Variants in GABRA2 observed in about 807,000 individuals in gnomAD.
GABRA2 encodes gamma-aminobutyric acid type A receptor subunit alpha2.
GABRA2 carries 16 observed loss-of-function variants against 48.7 expected under a neutral mutation model. That is an observed-to-expected ratio of 0.33 (90% confidence interval 0.22 to 0.50). The LOEUF (loss-of-function observed/expected upper bound fraction) is 0.50, where lower values mean the gene tolerates loss of function less well. GABRA2 is among the 20% of genes least tolerant of loss of function. The pLI is 0.98. For missense variants in GABRA2, 275 were observed against 535.6 expected (o/e 0.51, Z 4.80); for synonymous variants, 185 against 184.5 (o/e 1.00, Z -0.02).
At chr4:46,327,747 A>C (rs1027671221) in intron 4 of GABRA2, among the ~76,000 whole-genome samples, 1 of 152,044 alleles carries the variant, frequency 6.6e-6, no homozygotes, top group Non-Finnish European at 1.5e-5. Flanking sequence ...CAGAGGAAGA[A>C]AAGTATTAAC....
chr4:46,317,410 G>A (rs1163786608), intron 4 of GABRA2, among the ~76,000 whole-genome samples: 9 of 151,618 alleles, frequency 5.9e-5, no homozygotes, highest in Non-Finnish European at 1.5e-5. Context: ...AAAAATAAAT[G>A]AAGCTTTATA....
Position 46,248,868 on chromosome 4 carries a change from T to G in GABRA2, c.*1440A>C, listed in dbSNP as rs1433462996. The G allele has an allele frequency of 6.6e-6, 1 of 151,478 alleles. No homozygotes were observed. The highest frequency in any genetic ancestry group is 1.5e-5 in the Non-Finnish European group (1 of 67,668). 9.4% of individuals were successfully genotyped at this position (151,478 alleles called of 1,614,324 possible). On this transcript the variant is annotated 3_prime_UTR_variant, in exon 10 of 10. Coordinates refer to ENST00000381620, the MANE Select transcript of GABRA2 (RefSeq NM_000807.4). ...ACATGTCAATCAAAAGTATTTGAAGTTTGCCAAAAACTTTGAATCTAGGCA... is the reference window on the plus strand; with the variant it reads ...ACATGTCAATCAAAAGTATTTGAAGGTTGCCAAAAACTTTGAATCTAGGCA...
intron 8 of GABRA2, among the ~76,000 whole-genome samples, chr4:46,297,380 T>C (rs907701655): frequency 2.0e-5 from 3 of 150,544 alleles, no homozygotes; most frequent in Admixed American, 1.3e-4. Context: ...GTTCTTCAGC[T>C]TTGGGACTCA....
chr4:46,388,768 T>C, intron 1 of GABRA2, 52 bp from the exon 2 acceptor site: 2 of 1,612,274 alleles, frequency 1.2e-6, no homozygotes, highest in Non-Finnish European at 1.7e-6. Flanking sequence ...TTGCCTTCAG[T>C]TTCACTATCC....
intron 4 of GABRA2, among the ~76,000 whole-genome samples, chr4:46,326,575 A>T (rs1170933848): frequency 1.3e-5 from 2 of 150,664 alleles, no homozygotes; most frequent in Admixed American, 6.6e-5. Context: ...AGATACCCAC[A>T]TTTGCTCCTT....
At chr4:46,354,100 C>T (rs567624127) in intron 3 of GABRA2, among the ~76,000 whole-genome samples, 1 of 152,280 alleles carries the variant, frequency 6.6e-6, no homozygotes, top group South Asian at 2.1e-4. Flanking sequence ...ATTTTGCACA[C>T]ATTATTTTAT....
At chr4:46,260,260 A>T (rs1051234348) in intron 9 of GABRA2, among the ~76,000 whole-genome samples, 2 of 151,914 alleles carry the variant, frequency 1.3e-5, no homozygotes, top group African/African-American at 4.8e-5. Context: ...CTAAAATAAC[A>T]TAAACAACGT....
At chr4:46,351,521 C>A (rs1735123185) in intron 3 of GABRA2, among the ~76,000 whole-genome samples, 1 of 151,962 alleles carries the variant, frequency 6.6e-6, no homozygotes, top group Non-Finnish European at 1.5e-5. Context: ...TATGTCCATA[C>A]CTTTTCCAGA....
In GABRA2 at chr4:46,244,352, A is replaced by G. The variant is rs184956745; in HGVS notation, c.*5956T>C. On this transcript the variant is annotated 3_prime_UTR_variant, in exon 10 of 10. Coordinates refer to ENST00000381620, the MANE Select transcript of GABRA2 (RefSeq NM_000807.4). ...TAGCATCAGTTGTTTTTACAAATAAACTTTGTTGGAAATATTCATGTATAG... is the reference window on the plus strand; with the variant it reads ...TAGCATCAGTTGTTTTTACAAATAAGCTTTGTTGGAAATATTCATGTATAG... 6.6e-6 allele frequency: 1 copy of G among 151,756 alleles called. No individual in the cohort carries two copies. 9.4% of individuals were successfully genotyped at this position (151,756 alleles called of 1,614,324 possible). A position where few individuals can be genotyped will look rare whatever the true frequency, so the allele number is the denominator to read the frequency against.
chr4:46,309,824 A>G (rs1727325521), intron 6 of GABRA2, among the ~76,000 whole-genome samples: 1 of 152,066 alleles, frequency 6.6e-6, no homozygotes, highest in South Asian at 2.1e-4. Context: ...ATCCTTTCCA[A>G]TTCATTCTTA....
chr4:46,330,587 T>TAGAGAGAGAGAGAGAGAG (rs1425282470), intron 4 of GABRA2, among the ~76,000 whole-genome samples: 43 of 123,510 alleles, frequency 3.5e-4, no homozygotes, highest in Admixed American at 2.6e-3. Context: ...TATATATATA[T>TAGAGAGAGAGAGAGAGAG]ATATAGAGAG....
At chr4:46,378,006 G>A (rs1248195398) in intron 3 of GABRA2, among the ~76,000 whole-genome samples, 48 of 149,498 alleles carry the variant, frequency 3.2e-4, no homozygotes, top group African/African-American at 8.7e-4. Context: ...CCCCCCGCCC[G>A]GCCAGCCGCC....
At chr4:46,307,352 C>A (rs907101876) in intron 6 of GABRA2, among the ~76,000 whole-genome samples, 2 of 151,612 alleles carry the variant, frequency 1.3e-5, no homozygotes, top group African/African-American at 2.4e-5. Context: ...TTTCAAATGG[C>A]ACAGAATTTA....
intron 3 of GABRA2, among the ~76,000 whole-genome samples, chr4:46,338,288 G>C (rs527410553): frequency 1.8e-3 from 266 of 149,582 alleles, no homozygotes; most frequent in Non-Finnish European, 3.3e-3. Flanking sequence ...ATAACTCTAG[G>C]AAAATGTTCT....
chr4:46,361,097 T>A (rs1037612137), intron 3 of GABRA2, among the ~76,000 whole-genome samples: 5 of 152,028 alleles, frequency 3.3e-5, no homozygotes, highest in African/African-American at 1.2e-4. Flanking sequence ...GAAAAGAAAA[T>A]CCCATTTTCT....
chr4:46,372,696 T>G (rs146172379), intron 3 of GABRA2, among the ~76,000 whole-genome samples: 109 of 152,332 alleles, frequency 7.2e-4, no homozygotes, highest in Admixed American at 9.8e-4. Flanking sequence ...TTTGATAATT[T>G]TATTCCAATG....
intron 4 of GABRA2, among the ~76,000 whole-genome samples, chr4:46,331,520 A>C (rs377653570): frequency 3.3e-5 from 5 of 152,188 alleles, no homozygotes; most frequent in East Asian, 3.9e-4. Context: ...GAAAATGTCC[A>C]ACCTTGTCAA....
At chr4:46,338,083 C>T (rs111887295) in intron 3 of GABRA2, among the ~76,000 whole-genome samples, 6 of 151,898 alleles carry the variant, frequency 4.0e-5, no homozygotes, top group African/African-American at 1.4e-4. Flanking sequence ...TCTCCTCCAC[C>T]GTAGACACAC....
chr4:46,326,317 C>T lies in GABRA2; in HGVS notation c.255+6298G>A, dbSNP rs866698795. The stretch of plus-strand genomic sequence containing the variant: ...TACCTGCACCCTTCTGGAACAGTTT[C>T]CCCACCCCCAGGTGATGTTTTACTA... On this transcript the variant is annotated intron_variant, in intron 4 of 9. Coordinates refer to ENST00000381620, the MANE Select transcript of GABRA2 (RefSeq NM_000807.4). Among the ~76,000 whole-genome samples, 9 of 151,918 alleles carry T rather than the reference C, an allele frequency of 5.9e-5. No homozygotes were observed. The South Asian group carries it at 1.0e-3, about 18-fold the overall frequency.
Sources: allele counts gnomAD v4.1 joint callset (sites outside exome capture counted in the v4.1 genomes callset), GRCh38; gene constraint gnomAD v4.1.1; transcripts MANE v1.5; gene names NCBI Gene and HGNC (gene_info 2026-07-23, HGNC 2026-07-21).